The following AKAP13 variants were observed in gnomAD, a reference collection of about 807,000 sequenced individuals.
AKAP13 encodes A-kinase anchoring protein 13.
Under a neutral mutation model 264.5 loss-of-function variants are expected in AKAP13, and 80 were observed. The ratio of observed to expected loss-of-function variants is 0.30; its 90% CI spans 0.25 to 0.36. The LOEUF is 0.36. Among genes scored for constraint, AKAP13 ranks in the 10% least tolerant of loss-of-function variants. The pLI, the probability that AKAP13 is intolerant of heterozygous loss-of-function variation, is 1.00. For missense variants in AKAP13, 3,712 were observed against 3,435.2 expected (o/e 1.08, Z -2.01); for synonymous variants, 1,380 against 1,250.2 (o/e 1.10, Z -2.19).
At chr15:85,664,925 G>C (rs1480129972) in intron 13 of AKAP13, among the ~76,000 whole-genome samples, 170 bp downstream of exon 13, 1 of 152,148 alleles carries the variant, frequency 6.6e-6, no homozygotes, top group Non-Finnish European at 1.5e-5. Context: ...AAAGGGCCAG[G>C]CATGGTGGCT....
intron 2 of AKAP13, among the ~76,000 whole-genome samples, chr15:85,516,135 G>A (rs945172622): frequency 2.0e-5 from 3 of 152,156 alleles, no homozygotes; most frequent in African/African-American, 2.4e-5. Flanking sequence ...TCTAGACAAA[G>A]CAGGTTTCTC....
intron 1 of AKAP13, among the ~76,000 whole-genome samples, chr15:85,470,196 C>G (rs2074910233): frequency 1.3e-5 from 2 of 152,044 alleles, no homozygotes; most frequent in Non-Finnish European, 2.9e-5. Context: ...GGCTGAGGCA[C>G]AAGAATCACT....
At chr15:85,636,112 A>G (rs1182137011) in intron 8 of AKAP13, among the ~76,000 whole-genome samples, 1 of 152,188 alleles carries the variant, frequency 6.6e-6, no homozygotes, top group Admixed American at 6.5e-5. Context: ...AAGGTTTCAG[A>G]GTATGAGTCT....
intron 33 of AKAP13, among the ~76,000 whole-genome samples, 160 bp from the exon 34 acceptor site, chr15:85,740,058 GCTCA>G (rs1567224338): frequency 6.6e-6 from 1 of 152,080 alleles, no homozygotes; most frequent in East Asian, 1.9e-4. Context: ...GGCTGCTGGT[GCTCA>G]CTTAGTTTCT....
intron 5 of AKAP13, chr15:85,544,202 C>G (rs1227166441): frequency 3.2e-6 from 2 of 631,352 alleles, no homozygotes; most frequent in Non-Finnish European, 5.8e-6. Context: ...CAATTCTTAT[C>G]TCTTATATTT....
chr15:85,439,359 T>C (rs2150949880), intron 1 of AKAP13, among the ~76,000 whole-genome samples: 1 of 151,196 alleles, frequency 6.6e-6, no homozygotes, highest in South Asian at 2.1e-4. Flanking sequence ...GGAACACTTT[T>C]ACACTGTTGG....
At chr15:85,566,099 A>G (rs1485596020) in intron 5 of AKAP13, among the ~76,000 whole-genome samples, 5 of 152,340 alleles carry the variant, frequency 3.3e-5, no homozygotes, top group Middle Eastern at 3.4e-3. Flanking sequence ...CATGTGAACT[A>G]TTTGTACTAT....
At chr15:85,489,535 A>G (rs1596322810) in intron 2 of AKAP13, among the ~76,000 whole-genome samples, 1 of 152,192 alleles carries the variant, frequency 6.6e-6, no homozygotes, top group African/African-American at 2.4e-5. Flanking sequence ...TGGTGGGGGA[A>G]GTTCTCTGCA....
rs191064525 is a variant in AKAP13 at position 85,453,335 on chromosome 15, T to C, written c.-11-32375T>C. Among the ~76,000 whole-genome samples, 13 of 152,126 alleles carry C rather than the reference T, an allele frequency of 8.5e-5. No individual in the cohort carries two copies. In the East Asian group the frequency reaches 1.6e-3, roughly 18 times the overall value. ...GGAGGACCTGCCCTGTGAGGAGATA[T>C]GGGATCAGCCACCCACGTAACAGTG... On this transcript the variant is annotated intron_variant, in intron 1 of 36. Transcript: ENST00000394518.
At position 85,736,058 on chromosome 15, in the gene AKAP13, A is replaced by AT. The variant is rs562817204; in HGVS notation, c.7513-25dup. 3.9e-4 allele frequency: 597 copies of AT among 1,532,334 alleles called. 1 individual carries two copies. Among genetic ancestry groups the AT allele is most frequent in the African/African-American group, 1.4e-3 (103 of 73,040 alleles). The allele number at this position is 1,532,334 out of a possible 1,614,324, so 94.9% of individuals were successfully genotyped here. A position where few individuals can be genotyped will look rare whatever the true frequency, so the allele number is the denominator to read the frequency against. ...ATGTCATTTTTGCATCAAGATCTTC[A>AT]TTTTTTTATATGTATGTTTTTTGTT... On this transcript the variant is annotated intron_variant, in intron 32 of 36. Coordinates refer to ENST00000394518, the MANE Select transcript of AKAP13 (RefSeq NM_007200.5).
chr15:85,740,493 A>G, intron 34 of AKAP13: 3 of 540,638 alleles, frequency 5.5e-6, no homozygotes, highest in South Asian at 5.4e-5. Flanking sequence ...ATGGCTTGAT[A>G]ACCATGCTAC....
intron 17 of AKAP13, among the ~76,000 whole-genome samples, chr15:85,694,191 G>A (rs1261162085): frequency 2.6e-5 from 4 of 152,200 alleles, no homozygotes; most frequent in African/African-American, 9.6e-5. Context: ...CCAACATTAA[G>A]CCATAGTGAC....
At chr15:85,462,823 G>A (rs1197040596) in intron 1 of AKAP13, among the ~76,000 whole-genome samples, 2 of 151,542 alleles carry the variant, frequency 1.3e-5, no homozygotes, top group African/African-American at 4.8e-5. Flanking sequence ...AGGAGATCGA[G>A]ACCATCCCGG....
At chr15:85,454,218 G>A (rs777553373) in intron 1 of AKAP13, among the ~76,000 whole-genome samples, 9 of 152,114 alleles carry the variant, frequency 5.9e-5, no homozygotes, top group Non-Finnish European at 8.8e-5. Flanking sequence ...AGCTACTTTT[G>A]CCAGAAAGCC....
intron 1 of AKAP13, among the ~76,000 whole-genome samples, chr15:85,387,333 C>G (rs965675688): frequency 6.6e-6 from 1 of 151,836 alleles, no homozygotes; most frequent in African/African-American, 2.4e-5. Context: ...GAGAGTCCGT[C>G]TTAAAAAAAC....
chr15:85,399,502 C>CAAAAAAAAAA (rs71138392), intron 1 of AKAP13, among the ~76,000 whole-genome samples: 9 of 76,960 alleles, frequency 1.2e-4, no homozygotes, highest in Admixed American at 1.5e-4. Flanking sequence ...GACTCCGTCT[C>CAAAAAAAAAA]AAAAAAAAAA....
In AKAP13 at chr15:85,664,734, AC is replaced by A; in HGVS notation, c.4972del (p.His1658IlefsTer28). The A allele has an allele frequency of 6.2e-7, 1 of 1,612,882 alleles. No individual in the cohort carries two copies. Among genetic ancestry groups the A allele is most frequent in the Non-Finnish European group, 8.5e-7 (1 of 1,179,604 alleles). ...EEDLESDQRE[H>X]RMFDQQICHR... ...AGGATCTGGAGTCAGACCAGAGAGAACATAGGATGTTTGATCAGCAGGTAAG... is the reference window on the plus strand; with the variant it reads ...AGGATCTGGAGTCAGACCAGAGAGAAATAGGATGTTTGATCAGCAGGTAAG... On this transcript the variant is annotated frameshift_variant, in exon 13 of 37. Transcript: ENST00000394518. LOFTEE classifies it high-confidence loss of function.
intron 8 of AKAP13, among the ~76,000 whole-genome samples, chr15:85,622,120 A>C (rs368693949): frequency 6.6e-6 from 1 of 152,210 alleles, no homozygotes; most frequent in East Asian, 1.9e-4. Context: ...CATGCGAGCC[A>C]CGGGTTACAG....
At chr15:85,563,555 C>G (rs570248982) in intron 5 of AKAP13, among the ~76,000 whole-genome samples, 4 of 152,182 alleles carry the variant, frequency 2.6e-5, no homozygotes, top group African/African-American at 9.6e-5. Flanking sequence ...GACCTCTTTG[C>G]TCCTTGTTGC....
Sources: allele counts gnomAD v4.1 joint callset (sites outside exome capture counted in the v4.1 genomes callset), GRCh38; gene constraint gnomAD v4.1.1; transcripts MANE v1.5; gene names NCBI Gene and HGNC (gene_info 2026-07-23, HGNC 2026-07-21).